NFATC3: variants seen among roughly 807,000 people sequenced by gnomAD.
NFATC3 encodes the protein nuclear factor of activated T cells 3.
Under a neutral mutation model 98.6 loss-of-function variants are expected in NFATC3, and 46 were observed. The observed-to-expected ratio is 0.47, with a 90% confidence interval of 0.37 to 0.60. The LOEUF (loss-of-function observed/expected upper bound fraction) is 0.60, where lower values mean the gene tolerates loss of function less well. NFATC3 is among the 20% of genes least tolerant of loss of function. The pLI, the probability that NFATC3 is intolerant of heterozygous loss-of-function variation, is 0.00. For synonymous variants in NFATC3, 512 were observed against 472.2 expected (o/e 1.08, Z -1.09); for missense variants, 1,256 against 1,295.5 (o/e 0.97, Z 0.47).
intron 3 of NFATC3, among the ~76,000 whole-genome samples, chr16:68,136,758 C>G (rs1280606540): frequency 6.6e-6 from 1 of 152,048 alleles, no homozygotes; most frequent in African/African-American, 2.4e-5. Context: ...TAACCAGTCA[C>G]AGTGGCACCA....
At position 68,122,098 on chromosome 16, in the gene NFATC3, C is replaced by G. The variant is rs2036611845; in HGVS notation, c.215C>G (p.Ser72Cys). The change falls in exon 2 of 10, where the codon TCT (serine) becomes TGT (cysteine). Residue 72 changes from serine to cysteine, a missense_variant. Physicochemically the swap from Ser to Cys is moderately radical, Grantham distance 112. Around this residue, in one of 3 missense-constraint regions of NFATC3, gnomAD observed 464 missense variants for 465.7 expected, o/e 1.00. Coordinates refer to ENST00000346183, the MANE Select transcript of NFATC3 (RefSeq NM_173165.3). The stretch of plus-strand genomic sequence containing the variant: ...CATCATGGATTACCGTCTCACTCTT[C>G]TGTTTTGTCACCATCGTTTCAGCTC... ...LPHHGLPSHS[S>C]VLSPSFQLQS... 1 of 1,613,980 alleles carries G rather than the reference C, an allele frequency of 6.2e-7. No individual in the cohort carries two copies. The highest frequency in any genetic ancestry group is 1.3e-5 in the African/African-American group (1 of 74,898).
chr16:68,139,022 C>T (rs1191856078), intron 3 of NFATC3, among the ~76,000 whole-genome samples: 2 of 152,210 alleles, frequency 1.3e-5, no homozygotes, highest in African/African-American at 2.4e-5. Flanking sequence ...TTGCTCACTA[C>T]GTTATAGACA....
At chr16:68,186,210 C>G (rs184351467) in intron 8 of NFATC3, among the ~76,000 whole-genome samples, 1 of 150,094 alleles carries the variant, frequency 6.7e-6, no homozygotes. Flanking sequence ...CAGTACATTA[C>G]TGTAATTAAA....
chr16:68,170,940 T>G (rs976781316), intron 5 of NFATC3, among the ~76,000 whole-genome samples: 14 of 152,254 alleles, frequency 9.2e-5, no homozygotes, highest in African/African-American at 2.4e-4. Flanking sequence ...TTATTAAATA[T>G]TCTTCAAAAA....
intron 4 of NFATC3, 117 bp from the exon 5 acceptor site, chr16:68,166,726 T>G: frequency 1.3e-6 from 1 of 772,776 alleles, no homozygotes. Flanking sequence ...ATATCTTTCT[T>G]TTTTGACCTA....
chr16:68,172,934 T>C (rs2039529777), intron 5 of NFATC3, among the ~76,000 whole-genome samples: 1 of 152,098 alleles, frequency 6.6e-6, no homozygotes, highest in Non-Finnish European at 1.5e-5. Context: ...CAGAGAAAGG[T>C]GGCACCGTAA....
chr16:68,225,461 A>G (rs1217497525), intron 9 of NFATC3: 1 of 152,202 alleles, frequency 6.6e-6, no homozygotes, highest in African/African-American at 2.4e-5. Flanking sequence ...AGGCTCATCC[A>G]TGTTGTAGCA....
At chr16:68,212,933 G>T (rs2041472351) in intron 9 of NFATC3, among the ~76,000 whole-genome samples, 1 of 147,660 alleles carries the variant, frequency 6.8e-6, no homozygotes, top group Non-Finnish European at 1.5e-5. Context: ...GGGACTACAG[G>T]CGCCCGCCAC....
At chr16:68,164,706 C>T (rs1030442206) in intron 4 of NFATC3, among the ~76,000 whole-genome samples, 9 of 151,788 alleles carry the variant, frequency 5.9e-5, no homozygotes, top group Non-Finnish European at 8.8e-5. Context: ...GGTGAAACCC[C>T]GTCTCTACTG....
chr16:68,122,150 T>C lies in NFATC3; in HGVS notation c.267T>C (p.Thr89=). The change falls in exon 2 of 10, where the codon ACT becomes ACC. Residue 89 remains threonine, a synonymous_variant. Transcript: ENST00000346183. The part of the protein sequence containing the change: ...QLQSHKNYEG[T]CEIPESKYSP... ...AAAGTCACAAAAACTATGAAGGAAC[T>C]TGTGAGATTCCTGAATCTAAATATA... 6.2e-7 allele frequency: 1 copy of C among 1,614,154 alleles called. No homozygotes were observed. The highest frequency in any genetic ancestry group is 8.5e-7 in the Non-Finnish European group (1 of 1,180,034).
chr16:68,211,759 TG>T (rs1309823355), intron 9 of NFATC3, among the ~76,000 whole-genome samples: 1 of 151,588 alleles, frequency 6.6e-6, no homozygotes, highest in East Asian at 1.9e-4. Context: ...TGACCTCAGG[TG>T]ATCTACCCGC....
At chr16:68,195,417 C>T (rs1249475530) in intron 9 of NFATC3, among the ~76,000 whole-genome samples, 1 of 152,030 alleles carries the variant, frequency 6.6e-6, no homozygotes, top group Non-Finnish European at 1.5e-5. Context: ...CACCTGTAGT[C>T]CTGGCCACTT....
At chr16:68,144,669 T>A (rs1421981942) in intron 3 of NFATC3, among the ~76,000 whole-genome samples, 3 of 151,936 alleles carry the variant, frequency 2.0e-5, no homozygotes, top group Non-Finnish European at 4.4e-5. Context: ...TTATTTTTTT[T>A]ATTTTTTAGA....
At chr16:68,086,946 G>A (rs1482955908) in intron 1 of NFATC3, 1 of 276,792 alleles carries the variant, frequency 3.6e-6, no homozygotes, top group East Asian at 1.8e-4. Flanking sequence ...CCACTCTTAC[G>A]GACCCTGTAG....
intron 5 of NFATC3, 45 bp downstream of exon 5, chr16:68,167,060 C>A: frequency 6.4e-7 from 1 of 1,559,276 alleles, no homozygotes; most frequent in Non-Finnish European, 8.7e-7. Flanking sequence ...TGTATAATAG[C>A]TTATTTTCTG....
At chr16:68,087,759 A>G (rs1046285155) in intron 1 of NFATC3, among the ~76,000 whole-genome samples, 2 of 152,152 alleles carry the variant, frequency 1.3e-5, no homozygotes, top group Non-Finnish European at 2.9e-5. Flanking sequence ...ATCTGTCTCT[A>G]TGGTACCTCT....
intron 1 of NFATC3, among the ~76,000 whole-genome samples, chr16:68,102,074 T>A (rs1426104777): frequency 1.3e-5 from 2 of 151,992 alleles, no homozygotes; most frequent in African/African-American, 4.8e-5. Context: ...TGTGACCTTA[T>A]ATATTTAAAG....
intron 9 of NFATC3, among the ~76,000 whole-genome samples, chr16:68,224,116 T>C (rs903542010): frequency 4.6e-5 from 6 of 129,448 alleles, no homozygotes; most frequent in Non-Finnish European, 3.2e-5. Flanking sequence ...CACGGTGGCA[T>C]GCACCAGTTT....
chr16:68,157,841 C>T (rs2038697897), intron 3 of NFATC3, 28 bp from the exon 4 acceptor site: 2 of 1,585,910 alleles, frequency 1.3e-6, no homozygotes, highest in South Asian at 2.3e-5. Flanking sequence ...ATGAATTGTG[C>T]TTTTCTGTGT....
Sources: allele counts gnomAD v4.1 joint callset (sites outside exome capture counted in the v4.1 genomes callset), GRCh38; gene constraint gnomAD v4.1.1; regional missense constraint gnomAD v4.1.1; transcripts MANE v1.5; gene names NCBI Gene and HGNC (gene_info 2026-07-23, HGNC 2026-07-21).